The following RHBDD1 variants were observed in gnomAD, a reference collection of about 807,000 sequenced individuals.
RHBDD1 encodes rhomboid-related protein 4.
RHBDD1 carries 38 observed loss-of-function variants against 36.3 expected under a neutral mutation model. The ratio of observed to expected loss-of-function variants is 1.05; its 90% CI spans 0.81 to 1.37. RHBDD1 has a LOEUF of 1.37. Among genes scored for constraint, RHBDD1 ranks in the 40% most tolerant of loss-of-function variants. RHBDD1 has a pLI of 0.00. For missense variants in RHBDD1, 393 were observed against 377.6 expected, an observed-to-expected ratio of 1.04 and a Z score of -0.34; for synonymous variants, 151 against 136.5, an observed-to-expected ratio of 1.11 and a Z score of -0.74.
chr2:226,918,713 G>A (rs1291940153), intron 8 of RHBDD1, among the ~76,000 whole-genome samples: 2 of 152,058 alleles, frequency 1.3e-5, no homozygotes, highest in Non-Finnish European at 2.9e-5. Context: ...CCATTCATCT[G>A]TTGATGGATA....
chr2:226,926,245 G>A (rs970119446), intron 8 of RHBDD1, among the ~76,000 whole-genome samples: 3 of 151,052 alleles, frequency 2.0e-5, no homozygotes, highest in African/African-American at 7.3e-5. Context: ...AAAAATAAGG[G>A]CCATTGTGCT....
At chr2:226,946,059 G>A (rs140069999) in intron 8 of RHBDD1, among the ~76,000 whole-genome samples, 2,509 of 152,250 alleles carry the variant, frequency 0.016, 47 homozygotes, top group East Asian at 0.11. Flanking sequence ...CCCTTTGTCA[G>A]ATGGATAGAT....
intron 8 of RHBDD1, among the ~76,000 whole-genome samples, chr2:226,956,022 A>G (rs1951766117): frequency 6.6e-6 from 1 of 152,210 alleles, no homozygotes; most frequent in Non-Finnish European, 1.5e-5. Flanking sequence ...AGTCCCCATG[A>G]CAGCCCTATG....
intron 3 of RHBDD1, among the ~76,000 whole-genome samples, chr2:226,850,603 A>C (rs997865833): frequency 6.6e-6 from 1 of 152,124 alleles, no homozygotes; most frequent in Admixed American, 6.5e-5. Context: ...AAATGTGGAC[A>C]TGCAGGATTC....
intron 8 of RHBDD1, among the ~76,000 whole-genome samples, chr2:226,946,875 G>A (rs1042393181): frequency 7.2e-5 from 11 of 152,146 alleles, no homozygotes; most frequent in Non-Finnish European, 1.3e-4. Flanking sequence ...TATTCATCAC[G>A]ATCAAGTTGG....
chr2:226,935,736 TG>T (rs1158556378), intron 8 of RHBDD1, among the ~76,000 whole-genome samples: 3 of 152,092 alleles, frequency 2.0e-5, no homozygotes, highest in African/African-American at 7.2e-5. Flanking sequence ...ATGGGAGTTT[TG>T]GGAGATGTCA....
intron 8 of RHBDD1, among the ~76,000 whole-genome samples, chr2:226,937,403 T>A (rs1260822083): frequency 6.6e-6 from 1 of 152,156 alleles, no homozygotes; most frequent in Non-Finnish European, 1.5e-5. Flanking sequence ...TTGTTCTTTT[T>A]TAATTTGAGC....
intron 8 of RHBDD1, among the ~76,000 whole-genome samples, chr2:226,973,580 T>C (rs1021276201): frequency 2.0e-5 from 3 of 152,236 alleles, no homozygotes; most frequent in African/African-American, 7.2e-5. Context: ...CTCTCTTCCC[T>C]GCCTAGTCCC....
chr2:226,952,770 T>A (rs145683253), intron 8 of RHBDD1, among the ~76,000 whole-genome samples: 3 of 152,286 alleles, frequency 2.0e-5, no homozygotes, highest in African/African-American at 7.2e-5. Context: ...CCAAATTATC[T>A]GCCCTCAGGG....
At chr2:226,978,905 A>G (rs1356265349) in intron 8 of RHBDD1, among the ~76,000 whole-genome samples, 1 of 152,186 alleles carries the variant, frequency 6.6e-6, no homozygotes, top group African/African-American at 2.4e-5. Flanking sequence ...AATGGCTGGT[A>G]GGAAGACAGG....
chr2:226,880,747 T>G (rs149906490), intron 5 of RHBDD1, among the ~76,000 whole-genome samples: 92 of 152,302 alleles, frequency 6.0e-4, no homozygotes, highest in African/African-American at 2.1e-3. Flanking sequence ...TGAGTTTTCT[T>G]TAGGTATTCT....
intron 3 of RHBDD1, among the ~76,000 whole-genome samples, chr2:226,845,795 T>A (rs1202247496): frequency 2.0e-5 from 3 of 152,232 alleles, no homozygotes; most frequent in Non-Finnish European, 4.4e-5. Context: ...GCTTTCTAGG[T>A]GAAAAATAAT....
chr2:226,908,582 T>TACACACACACACACAC (rs10559846), intron 6 of RHBDD1: 104 of 346,912 alleles, frequency 3.0e-4, no homozygotes, highest in African/African-American at 2.1e-3. Flanking sequence ...CATTTTCCAC[T>TACACACACACACACAC]ACACACACAC....
chr2:226,948,005 G>A (rs1320181435), intron 8 of RHBDD1, among the ~76,000 whole-genome samples: 3 of 152,164 alleles, frequency 2.0e-5, no homozygotes, highest in Non-Finnish European at 4.4e-5. Flanking sequence ...GGAAGTCAGT[G>A]TGGCGATTCC....
chr2:226,843,334 C>T (rs1941877999), intron 3 of RHBDD1, among the ~76,000 whole-genome samples: 1 of 152,132 alleles, frequency 6.6e-6, no homozygotes. Flanking sequence ...GAGAGGGCAT[C>T]CTTGTCTTGT....
chr2:226,806,148 A>G, the RHBDD1 span, among the ~76,000 whole-genome samples: 1 of 152,038 alleles, frequency 6.6e-6, no homozygotes, highest in Non-Finnish European at 1.5e-5. Flanking sequence ...AAGAAAGAAA[A>G]AAAAAACTGA....
intron 8 of RHBDD1, among the ~76,000 whole-genome samples, chr2:226,965,550 C>A (rs1477286124): frequency 1.3e-5 from 2 of 152,146 alleles, no homozygotes; most frequent in African/African-American, 2.4e-5. Context: ...AGCTTCTGGA[C>A]ACATTTTGCA....
At chr2:226,977,896 C>G (rs1357423454) in intron 8 of RHBDD1, among the ~76,000 whole-genome samples, 1 of 152,136 alleles carries the variant, frequency 6.6e-6, no homozygotes, top group African/African-American at 2.4e-5. Flanking sequence ...TGCATTTTAA[C>G]GTAAATTTGA....
At chr2:226,867,609 A>G (rs929151436) in intron 5 of RHBDD1, 4 of 985,254 alleles carry the variant, frequency 4.1e-6, no homozygotes, top group African/African-American at 3.5e-5. Context: ...TAACCAGCCA[A>G]TCAGCTGGTT....
Sources: gnomAD v4.1 joint callset for allele counts (sites outside exome capture counted in the v4.1 genomes callset) on GRCh38, gnomAD v4.1.1 for gene constraint, MANE v1.5 for transcripts, NCBI Gene and HGNC (gene_info 2026-07-23, HGNC 2026-07-21) for gene names.